HOXD8: variants seen among roughly 807,000 people sequenced by gnomAD.
HOXD8 encodes the protein homeobox D8.
Under a neutral mutation model 25.4 loss-of-function variants are expected in HOXD8, and 17 were observed. The observed-to-expected ratio is 0.67, with a 90% CI of 0.46 to 1.00. HOXD8 has a LOEUF of 1.00. HOXD8 is among the 50% of genes least tolerant of loss of function. HOXD8 has a pLI of 0.00. For synonymous variants in HOXD8, 203 were observed against 175.3 expected, an observed-to-expected ratio of 1.16 and a Z score of -1.25; for missense variants, 511 against 398.5, an observed-to-expected ratio of 1.28 and a Z score of -2.40.
rs979917747 is a variant in HOXD8, at chr2:176,132,042, A to G, written c.*430A>G. ...TAATTAAAAAAAATTATGTCTGCAG[A>G]ATACTTTATATTATTTGATTACAAT... On this transcript the variant is annotated 3_prime_UTR_variant, in exon 2 of 2. Coordinates refer to ENST00000313173, the MANE Select transcript of HOXD8 (RefSeq NM_019558.4). 6 of 154,250 alleles carry G rather than the reference A, an allele frequency of 3.9e-5. No individual in the cohort carries two copies. The highest frequency in any genetic ancestry group is 1.4e-4 in the African/African-American group (6 of 41,506). 9.6% of individuals were successfully genotyped at this position (154,250 alleles called of 1,614,324 possible).
Position 176,130,365 on chromosome 2 carries a change from C to A in HOXD8, c.-2C>A. ...CCCGGGGCCGCCGCCGCTGACGCCC[C>A]AATGAGTTCGTACTTCGTGAACCCG... On this transcript the variant is annotated 5_prime_UTR_variant, in exon 1 of 2. Coordinates refer to ENST00000313173, the MANE Select transcript of HOXD8 (RefSeq NM_019558.4). The A allele has an allele frequency of 7.0e-7, 1 of 1,421,772 alleles. No individual in the cohort carries two copies. Among genetic ancestry groups the A allele is most frequent in the Non-Finnish European group, 9.1e-7 (1 of 1,100,074 alleles). 88.1% of individuals were successfully genotyped at this position (1,421,772 alleles called of 1,614,324 possible). A position where few individuals can be genotyped will look rare whatever the true frequency, so the allele number is the denominator to read the frequency against.
At position 176,130,683 on chromosome 2, in the gene HOXD8, A is replaced by C; in HGVS notation, c.317A>C (p.Gln106Pro). The C allele has an allele frequency of 1.3e-6, 2 of 1,573,822 alleles. No homozygotes were observed. Among genetic ancestry groups the C allele is most frequent in the Admixed American group, 1.7e-5 (1 of 57,536 alleles). ...PGGGSPAAAYQAAPPPPPHPP... is the reference protein window; with the variant it reads ...PGGGSPAAAYPAAPPPPPHPP... ...GGGGGCAGCCCGGCCGCTGCCTACC[A>C]GGCCGCCCCCCCTCCTCCTCCGCAT... is the stretch of plus-strand genomic sequence containing the variant. Residue 106 changes from glutamine to proline, a missense_variant, in exon 1 of 2, where the codon CAG becomes CCG. By Grantham distance (76) the Gln-to-Pro change is moderately conservative. Transcript: ENST00000313173.
Position 176,130,587 on chromosome 2 carries a change from C to A in HOXD8, c.221C>A (p.Pro74Gln), listed in dbSNP as rs566310934. 55 of 1,456,496 alleles carry A rather than the reference C, an allele frequency of 3.8e-5. No homozygotes were observed. The highest frequency in any genetic ancestry group is 4.7e-5 in the Non-Finnish European group (53 of 1,116,672). 90.2% of individuals were successfully genotyped at this position (1,456,496 alleles called of 1,614,324 possible). ...CCGCAGGCGCACGCGCACCCGCACC[C>A]GTCCCCGCCGCCCTCCGGGACTGGG... ...APPQAHAHPH[P>Q]SPPPSGTGCG... Residue 74 changes from proline to glutamine, a missense_variant, in exon 1 of 2, where the codon CCG becomes CAG. Pro to Gln is a moderately conservative substitution (Grantham distance 76). Transcript: ENST00000313173.
Position 176,131,464 on chromosome 2 carries a change from A to C in HOXD8, c.725A>C (p.Lys242Thr), listed in dbSNP as rs200630630. ...CTAGCCCTCACCGAGAGACAGGTAAAAATCTGGTTCCAGAACAGGAGAATG... is the reference window on the plus strand; with the variant it reads ...CTAGCCCTCACCGAGAGACAGGTAACAATCTGGTTCCAGAACAGGAGAATG... ...HALALTERQV[K>T]IWFQNRRMKW... Residue 242 changes from lysine (K) to threonine (T), a missense_variant, in exon 2 of 2, where the codon AAA becomes ACA. By Grantham distance (78) the Lys-to-Thr change is moderately conservative (BLOSUM62 -1). Coordinates refer to ENST00000313173, the MANE Select transcript of HOXD8 (RefSeq NM_019558.4). 1.7e-5 allele frequency: 27 copies of C among 1,613,950 alleles called. No homozygotes were observed. Among genetic ancestry groups the C allele is most frequent in the Non-Finnish European group, 1.9e-5 (22 of 1,179,994 alleles).
Position 176,130,708 on chromosome 2 carries a change from T to TCCTCCG in HOXD8, c.351_356dup (p.Pro122_Pro123dup). The TCCTCCG allele has an allele frequency of 6.2e-7, 1 of 1,602,506 alleles. No homozygotes were observed. The highest frequency in any genetic ancestry group is 8.5e-7 in the Non-Finnish European group (1 of 1,174,002). On this transcript the variant is annotated inframe_insertion, in exon 1 of 2. Transcript: ENST00000313173. ...AGGCCGCCCCCCCTCCTCCTCCGCA[T>TCCTCCG]CCTCCGCCTCCGCCGCCACCTCCCC...
chr2:176,131,513 G>A lies in HOXD8; in HGVS notation c.774G>A (p.Lys258=), dbSNP rs771463022. The change falls in exon 2 of 2, where the codon AAG becomes AAA. Residue 258 remains lysine (K), a synonymous_variant. Coordinates refer to ENST00000313173, the MANE Select transcript of HOXD8 (RefSeq NM_019558.4). ...TGAAATGGAAAAAGGAAAACAACAAGGACAAATTTCCCGTTTCCCGGCAGG... is the reference window on the plus strand; with the variant it reads ...TGAAATGGAAAAAGGAAAACAACAAAGACAAATTTCCCGTTTCCCGGCAGG... ...RRMKWKKENN[K]DKFPVSRQEV... is the part of the protein sequence containing the mutation. The A allele has an allele frequency of 2.5e-6, 4 of 1,613,728 alleles. No homozygotes were observed. Among genetic ancestry groups the A allele is most frequent in the Non-Finnish European group, 3.4e-6 (4 of 1,179,892 alleles).
rs1690060947 is a variant in HOXD8, at chr2:176,130,407, AGGCGGCGGCTGCGGC to A, written c.51_65del (p.Ala19_Ala23del). On this transcript the variant is annotated inframe_deletion, in exon 1 of 2. Transcript: ENST00000313173. ...GTGAACCCGCTGTACTCCAAGTACA[AGGCGGCGGCTGCGGC>A]GGCGGCGGCGGCGGGCGAGGCCATC... is the stretch of plus-strand genomic sequence containing the variant. 3 of 1,486,696 alleles carry A rather than the reference AGGCGGCGGCTGCGGC, an allele frequency of 2.0e-6. No homozygotes were observed. Among genetic ancestry groups the A allele is most frequent in the African/African-American group, 1.5e-5 (1 of 67,548 alleles). The allele number at this position is 1,486,696 out of a possible 1,614,324, so 92.1% of individuals were successfully genotyped here. A position where few individuals can be genotyped will look rare whatever the true frequency, so the allele number is the denominator to read the frequency against.
rs1225568084 is a variant in HOXD8 at position 176,132,458 on chromosome 2, G to A, written c.*846G>A. The A allele has an allele frequency of 6.6e-6, 1 of 152,054 alleles. No homozygotes were observed. The highest frequency in any genetic ancestry group is 2.4e-5 in the African/African-American group (1 of 41,350). The allele number at this position is 152,054 out of a possible 1,614,324, so 9.4% of individuals were successfully genotyped here. ...TATGCGGTGGCTGCCGCTGTGTTCCGTTATTTTCAGTAGGTGTCATATTTA... is the reference window on the plus strand; with the variant it reads ...TATGCGGTGGCTGCCGCTGTGTTCCATTATTTTCAGTAGGTGTCATATTTA... On this transcript the variant is annotated 3_prime_UTR_variant, in exon 2 of 2. Transcript: ENST00000313173.
rs1398620857 is a variant in HOXD8 at position 176,129,726 on chromosome 2, C to G, written c.-641C>G. On this transcript the variant is annotated 5_prime_UTR_variant, in exon 1 of 2. Coordinates refer to ENST00000313173, the MANE Select transcript of HOXD8 (RefSeq NM_019558.4). ...ATCCCTCCGCGGGGCTCCTCGTCCC[C>G]GTCACGCTGACTTTCCGTGCAGTGC... 1.6e-5 allele frequency: 6 copies of G among 367,056 alleles called. No individual in the cohort carries two copies. The highest frequency in any genetic ancestry group is 2.8e-5 in the Non-Finnish European group (5 of 178,142). The allele number at this position is 367,056 out of a possible 1,614,324, so 22.7% of individuals were successfully genotyped here.
chr2:176,130,428 C>T lies in HOXD8; in HGVS notation c.62C>T (p.Ala21Val). The T allele has an allele frequency of 6.7e-7, 1 of 1,486,738 alleles. No homozygotes were observed. The highest frequency in any genetic ancestry group is 2.3e-5 in the Admixed American group (1 of 43,690). The allele number at this position is 1,486,738 out of a possible 1,614,324, so 92.1% of individuals were successfully genotyped here. A position where few individuals can be genotyped will look rare whatever the true frequency, so the allele number is the denominator to read the frequency against. ...SKYKAAAAAA[A>V]AAGEAINPTY... ...TACAAGGCGGCGGCTGCGGCGGCGG[C>T]GGCGGCGGGCGAGGCCATCAATCCC... Residue 21 changes from alanine (A) to valine (V), a missense_variant, in exon 1 of 2, where the codon GCG becomes GTG. By Grantham distance (64) the Ala-to-Val change is moderately conservative. Coordinates refer to ENST00000313173, the MANE Select transcript of HOXD8 (RefSeq NM_019558.4).
Position 176,130,536 on chromosome 2 carries a change from G to C in HOXD8, c.170G>C (p.Ser57Thr). Residue 57 changes from serine to threonine, a missense_variant, in exon 1 of 2, where the codon AGC becomes ACC. Ser to Thr is a moderately conservative substitution (Grantham distance 58). Transcript: ENST00000313173. ...AAAALQLYGN[S>T]AAGFPHAPPQ... ...GCAGCCCTGCAGCTCTATGGCAACA[G>C]CGCCGCCGGCTTCCCGCACGCGCCC... 1 of 1,473,612 alleles carries C rather than the reference G, an allele frequency of 6.8e-7. No individual in the cohort carries two copies. The highest frequency in any genetic ancestry group is 8.9e-7 in the Non-Finnish European group (1 of 1,121,030). 91.3% of individuals were successfully genotyped at this position (1,473,612 alleles called of 1,614,324 possible). A position where few individuals can be genotyped will look rare whatever the true frequency, so the allele number is the denominator to read the frequency against.
chr2:176,130,813 G>A lies in HOXD8; in HGVS notation c.447G>A (p.Thr149=). The change falls in exon 1 of 2, where the codon ACG becomes ACA. Residue 149 remains threonine, a synonymous_variant. Coordinates refer to ENST00000313173, the MANE Select transcript of HOXD8 (RefSeq NM_019558.4). ...ACTTACAGAGACAGCCGATTTTTAC[G>A]ACCCAGCAAGAGGCCGAGCTGGTAC... ...YDNLQRQPIF[T]TQQEAELVQY... is the part of the protein sequence containing the mutation. 1.2e-6 allele frequency: 2 copies of A among 1,613,444 alleles called. No homozygotes were observed. Among genetic ancestry groups the A allele is most frequent in the East Asian group, 2.2e-5 (1 of 44,772 alleles).
chr2:176,131,875 A>G lies in HOXD8; in HGVS notation c.*263A>G. 3.0e-6 allele frequency: 1 copy of G among 336,534 alleles called. No homozygotes were observed. The highest frequency in any genetic ancestry group is 5.3e-6 in the Non-Finnish European group (1 of 187,250). The allele number at this position is 336,534 out of a possible 1,614,324, so 20.8% of individuals were successfully genotyped here. Reference sequence around the variant, plus strand: ...AGCTATATTTTTATAATGGTTTTTAATGTCTGAGCTAGTGATTTGCCTCAA... The same window carrying G: ...AGCTATATTTTTATAATGGTTTTTAGTGTCTGAGCTAGTGATTTGCCTCAA... On this transcript the variant is annotated 3_prime_UTR_variant, in exon 2 of 2. Coordinates refer to ENST00000313173, the MANE Select transcript of HOXD8 (RefSeq NM_019558.4).
chr2:176,131,048 T>A, intron 1 of HOXD8, 105 bp downstream of exon 1: 1 of 805,022 alleles, frequency 1.2e-6, no homozygotes, highest in Non-Finnish European at 2.0e-6. Context: ...CTTTTCCTTC[T>A]TGTGTAGCCA....
chr2:176,130,888 C>T lies in HOXD8; in HGVS notation c.522C>T (p.Asp174=), dbSNP rs779395863. The change falls in exon 1 of 2, where the codon GAC becomes GAT. Residue 174 remains aspartate, a synonymous_variant. Coordinates refer to ENST00000313173, the MANE Select transcript of HOXD8 (RefSeq NM_019558.4). ...GTGGTAATATTGGCGAGGACCCAGACCACTTAAATCAGAGCTCGTCTCCTT... is the reference window on the plus strand; with the variant it reads ...GTGGTAATATTGGCGAGGACCCAGATCACTTAAATCAGAGCTCGTCTCCTT... ...SSSGNIGEDP[D]HLNQSSSPSQ... 14 of 1,609,652 alleles carry T rather than the reference C, an allele frequency of 8.7e-6. No individual in the cohort carries two copies. Among genetic ancestry groups the T allele is most frequent in the Middle Eastern group, 3.3e-4 (2 of 6,040 alleles).
In HOXD8 at chr2:176,132,695, A is replaced by C. The variant is rs1456242269; in HGVS notation, c.*1083A>C. 2 of 152,136 alleles carry C rather than the reference A, an allele frequency of 1.3e-5. No homozygotes were observed. Among genetic ancestry groups the C allele is most frequent in the Non-Finnish European group, 2.9e-5 (2 of 68,030 alleles). 9.4% of individuals were successfully genotyped at this position (152,136 alleles called of 1,614,324 possible). A position where few individuals can be genotyped will look rare whatever the true frequency, so the allele number is the denominator to read the frequency against. ...AGTAAATAAATGAATCTCTTTCTGG[A>C]GCTAGTGTCTTTGAGCGCCGCAAAT... is the stretch of plus-strand genomic sequence containing the variant. On this transcript the variant is annotated 3_prime_UTR_variant, in exon 2 of 2. Transcript: ENST00000313173.
Position 176,132,383 on chromosome 2 carries a change from T to G in HOXD8, c.*771T>G, listed in dbSNP as rs1490457483. On this transcript the variant is annotated 3_prime_UTR_variant, in exon 2 of 2. Coordinates refer to ENST00000313173, the MANE Select transcript of HOXD8 (RefSeq NM_019558.4). ...TGTAAAATGCGTCTCATTTTTTAAC[T>G]TGCTTTCGTTTTGAACCGCCCTTGT... 1 of 152,264 alleles carries G rather than the reference T, an allele frequency of 6.6e-6. No individual in the cohort carries two copies. The highest frequency in any genetic ancestry group is 6.5e-5 in the Admixed American group (1 of 15,292). 9.4% of individuals were successfully genotyped at this position (152,264 alleles called of 1,614,324 possible).
rs1249888178 is a variant in HOXD8 at position 176,131,666 on chromosome 2, T to G, written c.*54T>G. On this transcript the variant is annotated 3_prime_UTR_variant, in exon 2 of 2. Transcript: ENST00000313173. ...ATTAAAACTAATAATCACCATATGC[T>G]GTGGACACCACCTATTTTCTTTGTT... The G allele has an allele frequency of 1.1e-6, 1 of 892,518 alleles. No individual in the cohort carries two copies. The highest frequency in any genetic ancestry group is 1.7e-5 in the African/African-American group (1 of 59,178). The allele number at this position is 892,518 out of a possible 1,614,324, so 55.3% of individuals were successfully genotyped here.
chr2:176,131,747 T>C lies in HOXD8; in HGVS notation c.*135T>C. ...CTTCATGTCACTGCTCTTGAGGTTT[T>C]CTGTGCTTTGAGAGGGATTTGGGTG... On this transcript the variant is annotated 3_prime_UTR_variant, in exon 2 of 2. Coordinates refer to ENST00000313173, the MANE Select transcript of HOXD8 (RefSeq NM_019558.4). 3.2e-6 allele frequency: 2 copies of C among 621,822 alleles called. No individual in the cohort carries two copies. Among genetic ancestry groups the C allele is most frequent in the Non-Finnish European group, 2.8e-6 (1 of 353,150 alleles). 38.5% of individuals were successfully genotyped at this position (621,822 alleles called of 1,614,324 possible). A position where few individuals can be genotyped will look rare whatever the true frequency, so the allele number is the denominator to read the frequency against.
Sources: gnomAD v4.1 joint callset for allele counts on GRCh38, gnomAD v4.1.1 for gene constraint, MANE v1.5 for transcripts, NCBI Gene and HGNC (gene_info 2026-07-23, HGNC 2026-07-21) for gene names.